GABRP: variants seen among roughly 807,000 people sequenced by gnomAD.
GABRP encodes gamma-aminobutyric acid type A receptor subunit pi.
In GABRP, 52 loss-of-function variants were observed where a neutral mutation model predicts 47.8. The observed-to-expected ratio is 1.09, with a 90% CI of 0.87 to 1.37. The LOEUF is 1.37. Among genes scored for constraint, GABRP ranks in the 40% most tolerant of loss-of-function variants. GABRP has a pLI of 0.00. For missense variants in GABRP, 525 were observed against 542.8 expected, an observed-to-expected ratio of 0.97 and a Z score of 0.33; for synonymous variants, 221 against 205.8, an observed-to-expected ratio of 1.07 and a Z score of -0.63.
rs773082806 is a variant in GABRP, at chr5:170,795,284, C to T, written c.317C>T (p.Thr106Ile). 1 of 1,613,902 alleles carries T rather than the reference C, an allele frequency of 6.2e-7. No individual in the cohort carries two copies. Among genetic ancestry groups the T allele is most frequent in the Non-Finnish European group, 8.5e-7 (1 of 1,179,988 alleles). Residue 106 changes from threonine to isoleucine, a missense_variant, in exon 5 of 10, where the codon ACT becomes ATT. Coordinates refer to ENST00000265294, the MANE Select transcript of GABRP (RefSeq NM_014211.3). ...RLVFEGNKSF[T>I]LDARLVEFLW... Reference sequence around the variant, plus strand: ...GTGTTTGAAGGCAACAAGAGCTTCACTCTGGATGCCCGCCTCGTGGAGTTC... The same window carrying T: ...GTGTTTGAAGGCAACAAGAGCTTCATTCTGGATGCCCGCCTCGTGGAGTTC...
intron 9 of GABRP, among the ~76,000 whole-genome samples, chr5:170,810,423 A>C (rs1765852066): frequency 6.6e-6 from 1 of 152,190 alleles, no homozygotes; most frequent in Non-Finnish European, 1.5e-5. Flanking sequence ...ATCTGATAAC[A>C]AGAAGGGAAA....
chr5:170,807,273 T>G (rs1379978187), intron 7 of GABRP, among the ~76,000 whole-genome samples: 1 of 152,204 alleles, frequency 6.6e-6, no homozygotes, highest in African/African-American at 2.4e-5. Flanking sequence ...TAAGTAATTA[T>G]CATGAATTAT....
Position 170,794,281 on chromosome 5 carries a change from A to G in GABRP, c.223A>G (p.Ile75Val). ...LTLDIASISS[I>V]SESNMDYTAT... ...TCTGGACATTGCAAGTATCTCTAGC[A>G]TTTCAGAGAGTAACATGGTAAGCGC... The change falls in exon 4 of 10, where the codon ATT (isoleucine) becomes GTT (valine). Residue 75 changes from isoleucine (I) to valine (V), a missense_variant. Transcript: ENST00000265294. 6.2e-7 allele frequency: 1 copy of G among 1,609,356 alleles called. No individual in the cohort carries two copies.
intron 6 of GABRP, among the ~76,000 whole-genome samples, chr5:170,800,958 T>C (rs1434223200): frequency 2.0e-5 from 3 of 152,106 alleles, no homozygotes; most frequent in Non-Finnish European, 4.4e-5. Context: ...AACAAAAAAA[T>C]ATATGTAGTA....
intron 7 of GABRP, among the ~76,000 whole-genome samples, chr5:170,807,264 A>G (rs770043983): frequency 7.0e-4 from 106 of 152,180 alleles, no homozygotes; most frequent in Non-Finnish European, 1.2e-3. Context: ...TCCAAAATTT[A>G]AGTAATTATC....
In GABRP at chr5:170,809,669, A is replaced by G. The variant is rs776644367; in HGVS notation, c.934A>G (p.Ile312Val). Residue 312 changes from isoleucine (I) to valine (V), a missense_variant, in exon 9 of 10, where the codon ATC (isoleucine) becomes GTC (valine). Physicochemically the swap from Ile to Val is conservative, Grantham distance 29 (BLOSUM62 3). Coordinates refer to ENST00000265294, the MANE Select transcript of GABRP (RefSeq NM_014211.3). ...FIKAIDVYLG[I>V]CFSFVFGALL... is the part of the protein sequence containing the mutation. ...CAAGGCCATCGATGTGTACCTGGGG[A>G]TCTGCTTTAGCTTTGTGTTTGGGGC... is the stretch of plus-strand genomic sequence containing the variant. The G allele has an allele frequency of 6.2e-7, 1 of 1,614,050 alleles. No homozygotes were observed. Among genetic ancestry groups the G allele is most frequent in the Non-Finnish European group, 8.5e-7 (1 of 1,179,984 alleles).
At chr5:170,806,762 C>T (rs1188900529) in intron 7 of GABRP, among the ~76,000 whole-genome samples, 1 of 151,754 alleles carries the variant, frequency 6.6e-6, no homozygotes, top group Non-Finnish European at 1.5e-5. Context: ...TTTAGTTGAG[C>T]CTAGGTGACA....
chr5:170,787,659 C>G (rs1424746906), intron 1 of GABRP, among the ~76,000 whole-genome samples: 1 of 152,210 alleles, frequency 6.6e-6, no homozygotes, highest in East Asian at 1.9e-4. Flanking sequence ...TCCCCTGGCA[C>G]TCACTAGCAT....
chr5:170,795,481 C>T lies in GABRP; in HGVS notation c.458+56C>T, dbSNP rs892177467. 7.9e-6 allele frequency: 11 copies of T among 1,399,444 alleles called. No individual in the cohort carries two copies. The African/African-American group carries it at 1.1e-4, about 14-fold the overall frequency. 86.7% of individuals were successfully genotyped at this position (1,399,444 alleles called of 1,614,324 possible). On this transcript the variant is annotated intron_variant, in intron 5 of 9. Transcript: ENST00000265294. ...AGGACGGCAGCTGGGAGAAAACATG[C>T]AGATGTGTCTTGGGTAGTTGTGACC...
chr5:170,793,186 A>ATGACCC lies in GABRP; in HGVS notation c.173-1042_173-1037dup, dbSNP rs1765324741. The stretch of plus-strand genomic sequence containing the variant: ...CGTCTAATCTCATTTAGCCCTTCCC[A>ATGACCC]TGACCCTGTGATGTCAGTATGATCT... On this transcript the variant is annotated intron_variant, in intron 3 of 9. Coordinates refer to ENST00000265294, the MANE Select transcript of GABRP (RefSeq NM_014211.3). Among the ~76,000 whole-genome samples, 3 of 152,282 alleles carry ATGACCC rather than the reference A, an allele frequency of 2.0e-5. No homozygotes were observed. The South Asian group carries it at 6.2e-4, about 32-fold the overall frequency.
At position 170,812,188 on chromosome 5, in the gene GABRP, C is replaced by G. The variant is rs144038090; in HGVS notation, c.1253C>G (p.Ser418Cys). 1 of 1,613,910 alleles carries G rather than the reference C, an allele frequency of 6.2e-7. No individual in the cohort carries two copies. Among genetic ancestry groups the G allele is most frequent in the Non-Finnish European group, 8.5e-7 (1 of 1,179,860 alleles). Residue 418 changes from serine to cysteine, a missense_variant, in exon 10 of 10, where the codon TCC becomes TGC. Ser to Cys is a moderately radical substitution (Grantham distance 112). Coordinates refer to ENST00000265294, the MANE Select transcript of GABRP (RefSeq NM_014211.3). The stretch of plus-strand genomic sequence containing the variant: ...AACCCCAGTAATGTTGATCACTATT[C>G]CAAACTACTGTTTCCTTTGATTTTT... ...IQNPSNVDHY[S>C]KLLFPLIFML...
intron 7 of GABRP, 146 bp downstream of exon 7, chr5:170,805,999 C>G (rs929475651): frequency 1.2e-6 from 1 of 805,628 alleles, no homozygotes; most frequent in African/African-American, 1.7e-5. Flanking sequence ...GCAATTCCAC[C>G]TCCTCCACAC....
intron 3 of GABRP, among the ~76,000 whole-genome samples, chr5:170,790,690 T>C (rs1225876827): frequency 6.6e-6 from 1 of 151,958 alleles, no homozygotes; most frequent in African/African-American, 2.4e-5. Flanking sequence ...GTCCTCAGTG[T>C]TTGGAATGAC....
At chr5:170,787,858 G>C (rs1765167610) in intron 1 of GABRP, among the ~76,000 whole-genome samples, 2 of 152,186 alleles carry the variant, frequency 1.3e-5, no homozygotes, top group Admixed American at 1.3e-4. Context: ...TAGACCTGGG[G>C]ATAAATAAAA....
At chr5:170,797,411 G>A in intron 5 of GABRP, 55 bp from the exon 6 acceptor site, 1 of 1,126,944 alleles carries the variant, frequency 8.9e-7, no homozygotes, top group Non-Finnish European at 1.4e-6. Flanking sequence ...GAAGGAATGT[G>A]AACTTTCTAT....
chr5:170,806,688 C>T (rs1203575029), intron 7 of GABRP, among the ~76,000 whole-genome samples: 6 of 152,034 alleles, frequency 3.9e-5, no homozygotes, highest in African/African-American at 1.2e-4. Flanking sequence ...GTGATCCACC[C>T]GCCTTGGCCT....
chr5:170,793,743 C>T (rs902757820), intron 3 of GABRP, among the ~76,000 whole-genome samples: 6 of 151,622 alleles, frequency 4.0e-5, no homozygotes, highest in South Asian at 4.2e-4. Context: ...GTTCCTTATG[C>T]GTTAATTCAG....
chr5:170,809,246 G>A (rs1304734087), intron 8 of GABRP, among the ~76,000 whole-genome samples: 1 of 152,064 alleles, frequency 6.6e-6, no homozygotes, highest in African/African-American at 2.4e-5. Flanking sequence ...CAGGAGTGGT[G>A]CATTTTTAAA....
chr5:170,795,415 T>C lies in GABRP; in HGVS notation c.448T>C (p.Tyr150His), dbSNP rs994175324. ...IRLFSNGTVL[Y>H]ALRITTTVAC... ...CCTCTTCTCCAATGGCACGGTCCTGTATGCCCTCAGGTACGCGGACACCTG... is the reference window on the plus strand; with the variant it reads ...CCTCTTCTCCAATGGCACGGTCCTGCATGCCCTCAGGTACGCGGACACCTG... Residue 150 changes from tyrosine (Y) to histidine (H), a missense_variant, in exon 5 of 10, where the codon TAT becomes CAT. Transcript: ENST00000265294. The C allele has an allele frequency of 3.7e-6, 6 of 1,613,808 alleles. No individual in the cohort carries two copies. In the African/African-American group the frequency reaches 8.0e-5, roughly 22 times the overall value.
Sources: allele counts gnomAD v4.1 joint callset (sites outside exome capture counted in the v4.1 genomes callset), GRCh38; gene constraint gnomAD v4.1.1; transcripts MANE v1.5; gene names NCBI Gene and HGNC (gene_info 2026-07-23, HGNC 2026-07-21).